Variants in ERI2 observed in about 807,000 individuals in gnomAD.
The protein encoded by ERI2 is ERI1 exoribonuclease 2.
In ERI2, 35 loss-of-function variants were observed where a neutral mutation model predicts 46.8. The observed-to-expected ratio is 0.75, with a 90% CI of 0.57 to 0.99. ERI2 has a LOEUF of 0.99. Among genes scored for constraint, ERI2 ranks in the 50% least tolerant of loss-of-function variants. The pLI is 0.00. For synonymous variants in ERI2, 224 were observed against 271.0 expected, an observed-to-expected ratio of 0.83 and a Z score of 1.70; for missense variants, 695 against 796.2, an observed-to-expected ratio of 0.87 and a Z score of 1.53.
chr16:20,785,359 T>C (rs1053305775), intron 10 of ERI2, among the ~76,000 whole-genome samples: 3 of 152,194 alleles, frequency 2.0e-5, no homozygotes, highest in African/African-American at 7.2e-5. Flanking sequence ...TTTTTTTAAA[T>C]GAAATAATAC....
intron 10 of ERI2, chr16:20,781,658 AC>A: frequency 7.4e-7 from 1 of 1,342,784 alleles, no homozygotes; most frequent in East Asian, 2.3e-5. Context: ...ACATTTAAGC[AC>A]TTATTTAAGT....
At chr16:20,785,110 A>T (rs2080444195) in intron 10 of ERI2, 2 of 1,612,824 alleles carry the variant, frequency 1.2e-6, no homozygotes, top group African/African-American at 1.3e-5. Flanking sequence ...CTGAAACGGT[A>T]CCTGACCTCA....
chr16:20,788,263 A>AT (rs1410852442), intron 10 of ERI2, among the ~76,000 whole-genome samples: 1 of 152,188 alleles, frequency 6.6e-6, no homozygotes, highest in African/African-American at 2.4e-5. Flanking sequence ...TCTGCATTAC[A>AT]GGGAAGTTGA....
intron 10 of ERI2, among the ~76,000 whole-genome samples, chr16:20,785,676 GA>G (rs1161683852): frequency 1.3e-5 from 2 of 151,948 alleles, no homozygotes; most frequent in African/African-American, 4.8e-5. Flanking sequence ...ATAGATAAGG[GA>G]AAAGTTGAAA....
chr16:20,789,684 C>CTTT (rs561663756), intron 9 of ERI2: 198 of 446,084 alleles, frequency 4.4e-4, no homozygotes, highest in Middle Eastern at 1.3e-3. Flanking sequence ...CTCTATTTTT[C>CTTT]TTTTTTTTTT....
intron 10 of ERI2, chr16:20,780,968 T>G: frequency 6.2e-7 from 1 of 1,614,104 alleles, no homozygotes; most frequent in East Asian, 2.2e-5. Flanking sequence ...CTCTTTGTTT[T>G]CCCAGGTTCT....
At chr16:20,795,693 G>A (rs555197295), downstream of ERI2, among the ~76,000 whole-genome samples, 3 of 152,304 alleles carry the variant, frequency 2.0e-5, no homozygotes, top group African/African-American at 7.2e-5. Flanking sequence ...GGCGTTGGAG[G>A]TACATACTAG....
intron 3 of ERI2, 129 bp from the exon 4 acceptor site, chr16:20,803,052 C>A: frequency 1.0e-6 from 1 of 958,610 alleles, no homozygotes; most frequent in Non-Finnish European, 1.5e-6. Context: ...ACTAAAATGA[C>A]CAAAGCAGTG....
At chr16:20,802,079 C>T (rs763783254) in intron 4 of ERI2, among the ~76,000 whole-genome samples, 2 of 149,622 alleles carry the variant, frequency 1.3e-5, no homozygotes, top group African/African-American at 2.5e-5. Context: ...AGGTGACTCA[C>T]GCCTGTAATC....
intron 1 of ERI2, chr16:20,806,134 T>C (rs1477260654): frequency 2.2e-6 from 3 of 1,346,032 alleles, no homozygotes; most frequent in African/African-American, 1.5e-5. Context: ...AGGCCTAAAA[T>C]AGGCAGGCAC....
At chr16:20,792,342 G>T (rs1416867944), downstream of ERI2, 8 of 1,613,644 alleles carry the variant, frequency 5.0e-6, no homozygotes, top group Admixed American at 8.3e-5. Context: ...AGAGGTAAAA[G>T]AACTGATTCA....
intron 5 of ERI2, chr16:20,800,705 G>A: frequency 4.6e-6 from 1 of 218,046 alleles, no homozygotes; most frequent in Non-Finnish European, 9.0e-6. Context: ...ATGTTATTGA[G>A]AAACCAAACA....
In ERI2 at chr16:20,797,727, A is replaced by C. The variant is rs369252888; in HGVS notation, c.2073T>G (p.Asn691Lys). Residue 691 changes from asparagine (N) to lysine (K), a missense_variant, in exon 9 of 9, where the codon AAT (asparagine) becomes AAG (lysine). Asn to Lys is a moderately conservative substitution (Grantham distance 94, BLOSUM62 0). Coordinates refer to ENST00000357967, the MANE Select transcript of ERI2 (RefSeq NM_001142725.2). ...AGGATTCATACATGAAAGGTTATCA[A>C]TTCCTCATTGAAGGCCTGAGTCTCA... ...NSLRLRPSMR[N>K] 1.2e-5 allele frequency: 19 copies of C among 1,540,664 alleles called. No homozygotes were observed. In the African/African-American group the frequency reaches 2.6e-4, roughly 21 times the overall value.
intron 10 of ERI2, chr16:20,786,081 C>A (rs2080468450): frequency 6.3e-7 from 1 of 1,585,766 alleles, no homozygotes; most frequent in Non-Finnish European, 8.6e-7. Flanking sequence ...TAACTAGGTG[C>A]TAATCTGTGG....
chr16:20,796,339 A>G, downstream of ERI2: 1 of 1,601,530 alleles, frequency 6.2e-7, no homozygotes, highest in Non-Finnish European at 8.5e-7. Flanking sequence ...TGCATAACTC[A>G]TTTTCCTGGT....
In ERI2 at chr16:20,796,406, A is replaced by T. The variant is rs769427306; in HGVS notation, c.*1318T>A. ...TTTTGTCGTTCTAAATCCTGATTAC[A>T]AGTCACATGATCAAGAACAACTAAT... On this transcript the variant is annotated 3_prime_UTR_variant, in exon 9 of 9. Transcript: ENST00000357967. 16 of 1,613,696 alleles carry T rather than the reference A, an allele frequency of 9.9e-6. No homozygotes were observed. The highest frequency in any genetic ancestry group is 6.7e-5 in the Admixed American group (4 of 59,874).
Position 20,798,953 on chromosome 16 carries a change from G to C in ERI2, c.847C>G (p.Pro283Ala). Residue 283 changes from proline to alanine, a missense_variant, in exon 9 of 9, where the codon CCT (proline) becomes GCT (alanine). Physicochemically the swap from Pro to Ala is conservative, Grantham distance 27. Transcript: ENST00000357967. ...IQGPSIYNKE[P>A]KNIINPHEKV... The stretch of plus-strand genomic sequence containing the variant: ...TCATGAGGATTTATTATATTTTTAG[G>C]CTCCTTATTATATATGCTGGGACCC... 1 of 1,550,556 alleles carries C rather than the reference G, an allele frequency of 6.4e-7. No individual in the cohort carries two copies.
chr16:20,798,066 A>G lies in ERI2; in HGVS notation c.1734T>C (p.Thr578=). The change falls in exon 9 of 9, where the codon ACT becomes ACC. Residue 578 remains threonine (T), a synonymous_variant. Coordinates refer to ENST00000357967, the MANE Select transcript of ERI2 (RefSeq NM_001142725.2). ...SSWRRLPSIL[T]STVNLQEPWK... is the part of the protein sequence containing the mutation. The stretch of plus-strand genomic sequence containing the variant: ...ATGGCTCTTGTAGGTTAACTGTAGA[A>G]GTTAATATAGATGGGAGACGCCTCC... 1 of 1,551,620 alleles carries G rather than the reference A, an allele frequency of 6.4e-7. No homozygotes were observed. The highest frequency in any genetic ancestry group is 8.7e-7 in the Non-Finnish European group (1 of 1,146,922).
chr16:20,780,809 C>A (rs752931707), intron 10 of ERI2: 24 of 1,614,112 alleles, frequency 1.5e-5, no homozygotes, highest in Non-Finnish European at 1.7e-5. Flanking sequence ...CCGAAAATGA[C>A]TGCACACACC....
Sources: gnomAD v4.1 joint callset for allele counts (sites outside exome capture counted in the v4.1 genomes callset) on GRCh38, gnomAD v4.1.1 for gene constraint, MANE v1.5 for transcripts, NCBI Gene and HGNC (gene_info 2026-07-23, HGNC 2026-07-21) for gene names.